Variants in KCNIP3 observed in about 807,000 individuals in gnomAD.
The protein encoded by KCNIP3 is potassium voltage-gated channel interacting protein 3, also known as calsenilin.
In KCNIP3, 28 loss-of-function variants were observed where a neutral mutation model predicts 35.0. The ratio of observed to expected loss-of-function variants is 0.80; its 90% CI spans 0.59 to 1.10. KCNIP3 has a LOEUF of 1.10. Among genes scored for constraint, KCNIP3 ranks in the 50% least tolerant of loss-of-function variants. The probability of loss-of-function intolerance (pLI) is 0.00; values close to 1 mark genes in which losing one functional copy is unlikely to be tolerated. For synonymous variants in KCNIP3, 134 were observed against 133.8 expected, an observed-to-expected ratio of 1.00 and a Z score of -0.01; for missense variants, 295 against 338.4, an observed-to-expected ratio of 0.87 and a Z score of 1.01.
At chr2:95,299,421 C>A (rs551416872) in intron 1 of KCNIP3, among the ~76,000 whole-genome samples, 1 of 152,210 alleles carries the variant, frequency 6.6e-6, no homozygotes, top group Non-Finnish European at 1.5e-5. Context: ...CTCAGGGTCA[C>A]GGTCAGTGGC....
At chr2:95,316,066 G>A (rs561819748) in intron 2 of KCNIP3, among the ~76,000 whole-genome samples, 45 of 152,376 alleles carry the variant, frequency 3.0e-4, no homozygotes, top group Non-Finnish European at 5.4e-4. Context: ...CCAGCAGTGG[G>A]AAGTTAGCTG....
In KCNIP3 at chr2:95,377,032, A is replaced by G. The variant is rs1386291124; in HGVS notation, c.447+1824A>G. 6.6e-6 allele frequency among the ~76,000 whole-genome samples: 1 copy of G among 152,226 alleles called. No homozygotes were observed. Among genetic ancestry groups the G allele is most frequent in the East Asian group, 1.9e-4 (1 of 5,192 alleles). The stretch of plus-strand genomic sequence containing the variant: ...AAAACACACAGACCTCAACAGAGCC[A>G]AGCGGGCGATGCCATCCCCACACCC... On this transcript the variant is annotated intron_variant, in intron 5 of 8. Transcript: ENST00000295225. The surrounding 1 kb of genome is among the most constrained non-coding windows in gnomAD (Gnocchi z 4.7).
intron 2 of KCNIP3, among the ~76,000 whole-genome samples, chr2:95,366,655 T>C (rs1377743315): frequency 6.6e-6 from 1 of 152,158 alleles, no homozygotes; most frequent in East Asian, 1.9e-4. Context: ...CATATAGTGG[T>C]TCCCGTCGCT....
chr2:95,319,621 C>T (rs1678537748), intron 2 of KCNIP3, among the ~76,000 whole-genome samples: 1 of 152,172 alleles, frequency 6.6e-6, no homozygotes, highest in South Asian at 2.1e-4. Flanking sequence ...TGGCCTGGCT[C>T]CTTATCTTCC....
chr2:95,385,154 C>G lies in KCNIP3; in HGVS notation c.*1105C>G, dbSNP rs915001656. 1 of 152,794 alleles carries G rather than the reference C, an allele frequency of 6.5e-6. No individual in the cohort carries two copies. The highest frequency in any genetic ancestry group is 1.5e-5 in the Non-Finnish European group (1 of 68,222). 9.5% of individuals were successfully genotyped at this position (152,794 alleles called of 1,614,324 possible). ...AGCTCAGGCGCAGCCCTAGTGGGAG[C>G]CCAGCACACTGCTTCTCGGAGGCCA... On this transcript the variant is annotated 3_prime_UTR_variant, in exon 9 of 9. Coordinates refer to ENST00000295225, the MANE Select transcript of KCNIP3 (RefSeq NM_013434.5).
intron 2 of KCNIP3, among the ~76,000 whole-genome samples, chr2:95,371,806 CTT>C (rs71831118): frequency 1.5e-4 from 20 of 136,292 alleles, no homozygotes; most frequent in East Asian, 2.1e-4. Context: ...TATTTTAAAT[CTT>C]TTTTTTTTTT....
chr2:95,332,280 T>C (rs768566182), intron 2 of KCNIP3, among the ~76,000 whole-genome samples: 7 of 152,254 alleles, frequency 4.6e-5, no homozygotes, highest in South Asian at 4.1e-4. Context: ...GGAGAACGTA[T>C]TGATGATCTG....
intron 1 of KCNIP3, among the ~76,000 whole-genome samples, chr2:95,300,264 C>T (rs1186942561): frequency 6.6e-6 from 1 of 152,236 alleles, no homozygotes; most frequent in East Asian, 1.9e-4. Context: ...CTAGCTGCCT[C>T]CCATTTTTGG....
intron 2 of KCNIP3, among the ~76,000 whole-genome samples, chr2:95,340,033 AC>A (rs1679154653): frequency 6.6e-6 from 1 of 152,064 alleles, no homozygotes; most frequent in African/African-American, 2.4e-5. Context: ...AGAGTCACTT[AC>A]CGTCTTAAAA....
intron 2 of KCNIP3, among the ~76,000 whole-genome samples, chr2:95,371,171 C>T (rs1428166757): frequency 1.3e-5 from 2 of 152,196 alleles, no homozygotes; most frequent in African/African-American, 4.8e-5. Context: ...GATCTAGAAG[C>T]TTATGTCATT....
At chr2:95,318,349 C>T (rs1320422983) in intron 2 of KCNIP3, among the ~76,000 whole-genome samples, 1 of 152,160 alleles carries the variant, frequency 6.6e-6, no homozygotes, top group Non-Finnish European at 1.5e-5. Context: ...TCACTGGAAA[C>T]CCTCTCCTCT....
intron 2 of KCNIP3, among the ~76,000 whole-genome samples, chr2:95,353,214 T>C (rs994241514): frequency 6.6e-6 from 1 of 152,138 alleles, no homozygotes; most frequent in Admixed American, 6.5e-5. Flanking sequence ...GGCAAGGCCC[T>C]GGGAAGAGAA....
chr2:95,345,310 C>T (rs543308351), intron 2 of KCNIP3, among the ~76,000 whole-genome samples: 4 of 152,356 alleles, frequency 2.6e-5, no homozygotes, highest in East Asian at 3.9e-4. Context: ...TTTCCTCCCC[C>T]GTAAAATGGA....
chr2:95,345,420 G>T (rs551302342), intron 2 of KCNIP3, among the ~76,000 whole-genome samples: 1 of 152,258 alleles, frequency 6.6e-6, no homozygotes, highest in African/African-American at 2.4e-5. Flanking sequence ...GCAGCCACGC[G>T]CCGCGGCTCC....
Position 95,383,291 on chromosome 2 carries a change from G to A in KCNIP3, c.720G>A (p.Gln240=). The A allele has an allele frequency of 6.2e-7, 1 of 1,613,636 alleles. No individual in the cohort carries two copies. The highest frequency in any genetic ancestry group is 8.5e-7 in the Non-Finnish European group (1 of 1,179,798). ...VTIEEFLEAC[Q]KDENIMSSMQ... Reference sequence around the variant, plus strand: ...TTGAAGAGTTCCTGGAGGCCTGTCAGAAGGTAGGTGGCACGGGAGGCTGGG... The same window carrying A: ...TTGAAGAGTTCCTGGAGGCCTGTCAAAAGGTAGGTGGCACGGGAGGCTGGG... The change falls in exon 8 of 9, where the codon CAG becomes CAA. Residue 240 remains glutamine, a synonymous_variant. Transcript: ENST00000295225.
chr2:95,319,214 C>T (rs1023914332), intron 2 of KCNIP3, among the ~76,000 whole-genome samples: 9 of 152,230 alleles, frequency 5.9e-5, no homozygotes, highest in African/African-American at 1.7e-4. Flanking sequence ...AGGAGGAAGG[C>T]GGACCCTGCT....
intron 2 of KCNIP3, among the ~76,000 whole-genome samples, chr2:95,357,752 G>A (rs1679691979): frequency 6.6e-6 from 1 of 152,172 alleles, no homozygotes; most frequent in Non-Finnish European, 1.5e-5. Flanking sequence ...GGCCATGAGT[G>A]TTCCCCTTGG....
intron 2 of KCNIP3, among the ~76,000 whole-genome samples, chr2:95,324,374 C>T (rs1447443134): frequency 9.9e-5 from 15 of 151,348 alleles, no homozygotes; most frequent in Non-Finnish European, 1.6e-4. Context: ...ATTAGCTGGG[C>T]GTGGTGGCGG....
chr2:95,326,014 TAC>T (rs982373946), intron 2 of KCNIP3, among the ~76,000 whole-genome samples: 23 of 137,714 alleles, frequency 1.7e-4, no homozygotes, highest in African/African-American at 5.8e-4. Context: ...GACACACACA[TAC>T]ACATTCACTC....
Sources: gnomAD v4.1 joint callset for allele counts (sites outside exome capture counted in the v4.1 genomes callset) on GRCh38, gnomAD v4.1.1 for gene constraint, Gnocchi (gnomAD v3.1) non-coding constraint, MANE v1.5 for transcripts, NCBI Gene and HGNC (gene_info 2026-07-23, HGNC 2026-07-21) for gene names.